The following TRHDE variants were observed in gnomAD, a reference collection of about 807,000 sequenced individuals.
TRHDE encodes the protein thyrotropin releasing hormone degrading enzyme.
A neutral mutation model predicts 125.7 loss-of-function variants in TRHDE; 72 were observed. The ratio of observed to expected loss-of-function variants is 0.57; its 90% CI spans 0.47 to 0.70. TRHDE has a LOEUF of 0.70. Ranked by LOEUF, TRHDE falls within the 30% of genes least tolerant of loss-of-function variation. The pLI is 0.00. For synonymous variants in TRHDE, 509 were observed against 509.1 expected (o/e 1.00, Z 0.00); for missense variants, 1,110 against 1,327.1 (o/e 0.84, Z 2.54).
chr12:72,467,227 T>G (rs951755765), intron 3 of TRHDE, among the ~76,000 whole-genome samples: 5 of 151,158 alleles, frequency 3.3e-5, no homozygotes, highest in African/African-American at 1.2e-4. Context: ...ATGCTATCCC[T>G]CCCCACTCCC....
chr12:72,435,612 CT>C (rs1874704364), intron 3 of TRHDE, among the ~76,000 whole-genome samples: 1 of 149,390 alleles, frequency 6.7e-6, no homozygotes, highest in Admixed American at 6.7e-5. Flanking sequence ...GGATACAGTA[CT>C]TGAATGAAAA....
At chr12:72,097,316 G>C (rs1874948810) in intron 1 of TRHDE, among the ~76,000 whole-genome samples, 1 of 152,114 alleles carries the variant, frequency 6.6e-6, no homozygotes, top group Admixed American at 6.5e-5. Context: ...AAGAGCACTG[G>C]TCTAGAGGGT....
intron 2 of TRHDE, among the ~76,000 whole-genome samples, chr12:72,126,502 A>G (rs1437951772): frequency 6.6e-6 from 1 of 152,206 alleles, no homozygotes; most frequent in Non-Finnish European, 1.5e-5. Context: ...GTCCAAAAAC[A>G]GACACAAGGA....
intron 5 of TRHDE, among the ~76,000 whole-genome samples, chr12:72,474,660 C>T (rs1016134482): frequency 6.6e-6 from 1 of 152,088 alleles, no homozygotes. Flanking sequence ...TTTATCCATT[C>T]ATCTGTCAGT....
chr12:72,653,776 T>C (rs558853661), intron 17 of TRHDE, among the ~76,000 whole-genome samples: 5 of 152,264 alleles, frequency 3.3e-5, no homozygotes, highest in African/African-American at 1.2e-4. Flanking sequence ...ATAATCTCTA[T>C]GGCCTATTAA....
At chr12:72,191,699 G>C (rs1432051655) in intron 2 of TRHDE, among the ~76,000 whole-genome samples, 1 of 152,040 alleles carries the variant, frequency 6.6e-6, no homozygotes, top group Non-Finnish European at 1.5e-5. Flanking sequence ...TTAGTCCTTT[G>C]AGAGTTTAAG....
At chr12:72,661,239 C>G (rs1874905259) in intron 18 of TRHDE, among the ~76,000 whole-genome samples, 1 of 152,098 alleles carries the variant, frequency 6.6e-6, no homozygotes, top group Non-Finnish European at 1.5e-5. Context: ...TATTCAAACC[C>G]ATAGTTTGCC....
intron 17 of TRHDE, among the ~76,000 whole-genome samples, chr12:72,654,595 C>T (rs1009878612): frequency 2.0e-4 from 30 of 152,114 alleles, no homozygotes; most frequent in Non-Finnish European, 3.7e-4. Flanking sequence ...AGTGTGCCTG[C>T]AAAGCTAAAT....
chr12:72,621,759 G>A lies in TRHDE; in HGVS notation c.2675+8G>A. ...TTCCAGCAACAGGAACAGGTAAACTGAGCCAAATCCTGTATTTCTGATATT... is the reference window on the plus strand; with the variant it reads ...TTCCAGCAACAGGAACAGGTAAACTAAGCCAAATCCTGTATTTCTGATATT... On this transcript the variant is annotated splice_region_variant and intron_variant, in intron 15 of 18. Transcript: ENST00000261180. The A allele has an allele frequency of 6.3e-7, 1 of 1,583,908 alleles. No homozygotes were observed. The highest frequency in any genetic ancestry group is 8.6e-7 in the Non-Finnish European group (1 of 1,160,450).
chr12:72,523,610 T>C (rs1868284671), intron 6 of TRHDE, among the ~76,000 whole-genome samples: 1 of 152,208 alleles, frequency 6.6e-6, no homozygotes, highest in South Asian at 2.1e-4. Context: ...TAAAAATTAT[T>C]TTCTTACCTT....
In TRHDE at chr12:72,119,216, C is replaced by T. The variant is rs543453562; in HGVS notation, n.279+13464C>T. Among the ~76,000 whole-genome samples the T allele has an allele frequency of 4.6e-5, 7 of 152,160 alleles. No homozygotes were observed. The South Asian group carries it at 1.5e-3, about 32-fold the overall frequency. On this transcript the variant is annotated intron_variant and non_coding_transcript_variant, in intron 2 of 4. Coordinates refer to the TRHDE transcript ENST00000548156. Reference sequence around the variant, plus strand: ...TCTTAGTACTGCTTTTGCCGTATCCCATATGTTTTGGTATGTTGTGTTTTC... The same window carrying T: ...TCTTAGTACTGCTTTTGCCGTATCCTATATGTTTTGGTATGTTGTGTTTTC...
intron 2 of TRHDE, chr12:72,163,227 T>G (rs1876672990): frequency 6.6e-6 from 1 of 152,236 alleles, no homozygotes; most frequent in Admixed American, 6.5e-5. Context: ...TATATATGCA[T>G]ACCCTTGAAC....
intron 2 of TRHDE, among the ~76,000 whole-genome samples, chr12:72,126,367 T>A (rs781208310): frequency 1.3e-5 from 2 of 152,134 alleles, no homozygotes; most frequent in Non-Finnish European, 2.9e-5. Flanking sequence ...ATTCTAAAAT[T>A]CATATGGAAC....
intron 3 of TRHDE, among the ~76,000 whole-genome samples, chr12:72,386,332 A>G (rs921651319): frequency 6.6e-6 from 1 of 152,090 alleles, no homozygotes; most frequent in Non-Finnish European, 1.5e-5. Flanking sequence ...ACGTTTTCAT[A>G]TTTAGTCATT....
intron 6 of TRHDE, among the ~76,000 whole-genome samples, chr12:72,513,017 C>A (rs1038573921): frequency 6.6e-6 from 1 of 152,022 alleles, no homozygotes; most frequent in African/African-American, 2.4e-5. Flanking sequence ...CATAACCACA[C>A]ACCAATTGTT....
intron 3 of TRHDE, among the ~76,000 whole-genome samples, chr12:72,430,645 G>A (rs188307129): frequency 1.3e-5 from 2 of 151,610 alleles, no homozygotes; most frequent in East Asian, 1.9e-4. Context: ...CCTTATCCTG[G>A]TACTACAAGT....
chr12:72,228,841 G>A (rs1878189606), intron 2 of TRHDE, among the ~76,000 whole-genome samples: 1 of 152,134 alleles, frequency 6.6e-6, no homozygotes, highest in African/African-American at 2.4e-5. Context: ...TCTAGGGCAG[G>A]GCAAAATGCT....
intron 18 of TRHDE, among the ~76,000 whole-genome samples, chr12:72,657,938 T>A (rs1301475800): frequency 6.6e-6 from 1 of 152,202 alleles, no homozygotes; most frequent in East Asian, 1.9e-4. Context: ...GAATGCCTAA[T>A]GCTGTGCCCC....
chr12:72,115,408 A>T (rs1482144238), intron 2 of TRHDE, among the ~76,000 whole-genome samples: 1 of 152,056 alleles, frequency 6.6e-6, no homozygotes. Flanking sequence ...ATTGTGCTCC[A>T]TTGCATATAA....
Sources: gnomAD v4.1 joint callset for allele counts (sites outside exome capture counted in the v4.1 genomes callset) on GRCh38, gnomAD v4.1.1 for gene constraint, MANE v1.5 for transcripts, NCBI Gene and HGNC (gene_info 2026-07-23, HGNC 2026-07-21) for gene names.